Variants in WDR25 observed in about 807,000 individuals in gnomAD.
WDR25 encodes the protein WD repeat domain 25, also known as WD repeat-containing protein 25.
Under a neutral mutation model 47.7 loss-of-function variants are expected in WDR25, and 35 were observed. The observed-to-expected ratio is 0.73, with a 90% CI of 0.56 to 0.97. The LOEUF (loss-of-function observed/expected upper bound fraction) is 0.97, where lower values mean the gene tolerates loss of function less well. Ranked by LOEUF, WDR25 falls within the 50% of genes least tolerant of loss-of-function variation. WDR25 has a pLI of 0.00. For synonymous variants in WDR25, 248 were observed against 278.9 expected (o/e 0.89, Z 1.10); for missense variants, 634 against 704.7 (o/e 0.90, Z 1.14).
rs1897169660 is a variant in WDR25 at position 100,392,613 on chromosome 14, G to C, written c.822+10867G>C. ...CTGTGTTTGTCAGAGTGTGCGTGCA[G>C]CTCTGCAGCCTGTCTTTCCATTTAA... On this transcript the variant is annotated intron_variant, in intron 2 of 6. Coordinates refer to ENST00000402312, the MANE Select transcript of WDR25 (RefSeq NM_001161476.3). The surrounding 1 kb of genome is among the most constrained non-coding windows in gnomAD (Gnocchi z 4.2). Among the ~76,000 whole-genome samples, 1 of 152,024 alleles carries C rather than the reference G, an allele frequency of 6.6e-6. No individual in the cohort carries two copies. Among genetic ancestry groups the C allele is most frequent in the African/African-American group, 2.4e-5 (1 of 41,374 alleles).
intron 2 of WDR25, among the ~76,000 whole-genome samples, chr14:100,394,489 C>G (rs1416706433): frequency 6.6e-6 from 1 of 152,210 alleles, no homozygotes; most frequent in Non-Finnish European, 1.5e-5. Flanking sequence ...TCACTTCTTT[C>G]TTCATTTGGT....
chr14:100,385,873 C>T (rs765010651), intron 2 of WDR25, among the ~76,000 whole-genome samples: 5 of 151,988 alleles, frequency 3.3e-5, no homozygotes, highest in Admixed American at 2.6e-4. Flanking sequence ...AAAACATGTA[C>T]GTGGCCTGCG....
intron 4 of WDR25, among the ~76,000 whole-genome samples, chr14:100,522,724 G>A (rs553145245): frequency 5.3e-5 from 8 of 152,298 alleles, no homozygotes; most frequent in Admixed American, 3.9e-4. Context: ...AAGAACAGAC[G>A]GAAGTTACTT....
intron 4 of WDR25, among the ~76,000 whole-genome samples, chr14:100,507,740 T>G (rs1383439953): frequency 6.6e-6 from 1 of 152,042 alleles, no homozygotes; most frequent in African/African-American, 2.4e-5. Flanking sequence ...TATTGGTGTA[T>G]AGAAATGCTA....
chr14:100,504,103 T>G (rs1901032941), intron 4 of WDR25, among the ~76,000 whole-genome samples: 1 of 152,246 alleles, frequency 6.6e-6, no homozygotes, highest in African/African-American at 2.4e-5. Context: ...CACCACTGAT[T>G]ATTTTGAAGC....
intron 2 of WDR25, among the ~76,000 whole-genome samples, chr14:100,415,896 G>C (rs1897855260): frequency 6.6e-6 from 1 of 152,218 alleles, no homozygotes; most frequent in Admixed American, 6.5e-5. Context: ...AGCCCACACA[G>C]TTCATGACAG....
chr14:100,495,542 T>C (rs928073066), intron 4 of WDR25, among the ~76,000 whole-genome samples: 2 of 152,218 alleles, frequency 1.3e-5, no homozygotes, highest in Non-Finnish European at 2.9e-5. Flanking sequence ...CTCTCTGACT[T>C]GTCCACAATG....
chr14:100,417,801 C>T (rs910629905), intron 2 of WDR25, among the ~76,000 whole-genome samples: 1 of 152,200 alleles, frequency 6.6e-6, no homozygotes, highest in Non-Finnish European at 1.5e-5. Flanking sequence ...TGCAGTGACC[C>T]TGAGCTGTTC....
rs1898941914 is a variant in WDR25 at position 100,449,205 on chromosome 14, G to T, written c.823-18816G>T. 6.6e-6 allele frequency among the ~76,000 whole-genome samples: 1 copy of T among 152,222 alleles called. No homozygotes were observed. Among genetic ancestry groups the T allele is most frequent in the South Asian group, 2.1e-4 (1 of 4,832 alleles). ...TTCTGGATGGAATTTTTGGAGCAAAGGGTTAGTACTCATTTTTATGCAAAT... is the reference window on the plus strand; with the variant it reads ...TTCTGGATGGAATTTTTGGAGCAAATGGTTAGTACTCATTTTTATGCAAAT... On this transcript the variant is annotated intron_variant, in intron 2 of 6. Coordinates refer to ENST00000402312, the MANE Select transcript of WDR25 (RefSeq NM_001161476.3). This position sits in a 1 kb window ranked among gnomAD's most constrained non-coding sequence, Gnocchi z 4.2.
Position 100,441,264 on chromosome 14 carries a change from G to A in WDR25, c.823-26757G>A, listed in dbSNP as rs1361133550. Among the ~76,000 whole-genome samples, 5 of 152,296 alleles carry A rather than the reference G, an allele frequency of 3.3e-5. No homozygotes were observed. In the South Asian group the frequency reaches 8.3e-4, roughly 25 times the overall value. On this transcript the variant is annotated intron_variant, in intron 2 of 6. Transcript: ENST00000402312. ...CCAGGTCCTGTGTGTGATATTGGGC[G>A]CTGTCTCCTTGAAGGGTGGTCGCTG...
chr14:100,418,162 G>A (rs1893652087), intron 2 of WDR25, among the ~76,000 whole-genome samples: 1 of 149,262 alleles, frequency 6.7e-6, no homozygotes, highest in South Asian at 2.1e-4. Flanking sequence ...GACTGGTTTC[G>A]AACTCCTGAC....
rs1293975364 is a variant in WDR25, at chr14:100,502,899, A to G, written c.1101+18775A>G. 6.6e-6 allele frequency among the ~76,000 whole-genome samples: 1 copy of G among 152,080 alleles called. No homozygotes were observed. The highest frequency in any genetic ancestry group is 1.5e-5 in the Non-Finnish European group (1 of 67,998). On this transcript the variant is annotated intron_variant, in intron 4 of 6. Transcript: ENST00000402312. This position sits in a 1 kb window ranked among gnomAD's most constrained non-coding sequence, Gnocchi z 4.5. ...ACGTAGGCACTAAAGGGCACAACAT[A>G]TGAGGGAATGGTGAGGGTTTTTTGT...
intron 2 of WDR25, among the ~76,000 whole-genome samples, chr14:100,434,830 T>C (rs531739837): frequency 3.9e-5 from 6 of 152,368 alleles, no homozygotes; most frequent in Non-Finnish European, 7.3e-5. Context: ...TTTGCTTTAA[T>C]GAGTAGTTTC....
At chr14:100,451,458 G>C (rs572074376) in intron 2 of WDR25, among the ~76,000 whole-genome samples, 15 of 152,232 alleles carry the variant, frequency 9.9e-5, no homozygotes, top group African/African-American at 3.6e-4. Context: ...GGGCTCAAAC[G>C]ATCTGCCCGC....
rs534362028 is a variant in WDR25 at position 100,501,355 on chromosome 14, C to T, written c.1101+17231C>T. Among the ~76,000 whole-genome samples, 12 of 152,260 alleles carry T rather than the reference C, an allele frequency of 7.9e-5. No individual in the cohort carries two copies. In the Middle Eastern group the frequency reaches 0.01, roughly 129 times the overall value. On this transcript the variant is annotated intron_variant, in intron 4 of 6. Transcript: ENST00000402312. ...AGATGATGATCACAACAGGGTTGTG[C>T]CCTCCACGAGCTCATGATAATTGGC...
At chr14:100,521,203 C>CACACAG (rs796527457) in intron 4 of WDR25, among the ~76,000 whole-genome samples, 3 of 149,970 alleles carry the variant, frequency 2.0e-5, no homozygotes, top group African/African-American at 7.4e-5. Flanking sequence ...CACACACACA[C>CACACAG]AGAGAGAGAG....
intron 4 of WDR25, among the ~76,000 whole-genome samples, chr14:100,497,034 G>A (rs1379206554): frequency 9.2e-5 from 14 of 151,900 alleles, no homozygotes; most frequent in South Asian, 6.2e-4. Flanking sequence ...GGGTTTCACC[G>A]TATTGGTCAG....
At chr14:100,494,514 C>T (rs1326411437) in intron 4 of WDR25, among the ~76,000 whole-genome samples, 1 of 152,174 alleles carries the variant, frequency 6.6e-6, no homozygotes, top group African/African-American at 2.4e-5. Flanking sequence ...ACAAGATGAG[C>T]TAGGTAAAAG....
chr14:100,484,882 G>C (rs10133183), intron 4 of WDR25, among the ~76,000 whole-genome samples: 109,282 of 152,124 alleles, frequency 0.72, 40,889 homozygotes, highest in African/African-American at 0.93. Context: ...TTGCCCCTTG[G>C]AGGCTGTTCT....
Sources: allele counts gnomAD v4.1 joint callset (sites outside exome capture counted in the v4.1 genomes callset), GRCh38; gene constraint gnomAD v4.1.1; non-coding constraint Gnocchi (gnomAD v3.1); transcripts MANE v1.5; gene names NCBI Gene and HGNC (gene_info 2026-07-23, HGNC 2026-07-21).